Variants in NBEA observed in about 807,000 individuals in gnomAD.
NBEA encodes the protein neurobeachin, also known as lysosomal-trafficking regulator 2.
In NBEA, 44 loss-of-function variants were observed where a neutral mutation model predicts 343.4. That is an observed-to-expected ratio of 0.13 (90% CI 0.10 to 0.16). The LOEUF (loss-of-function observed/expected upper bound fraction) is 0.16. Among genes scored for constraint, NBEA ranks in the 10% least tolerant of loss-of-function variants. The pLI is 1.00. For synonymous variants in NBEA, 1,175 were observed against 1,238.7 expected (o/e 0.95, Z 1.08); for missense variants, 2,555 against 3,631.3 (o/e 0.70, Z 7.62).
intron 34 of NBEA, among the ~76,000 whole-genome samples, chr13:35,235,057 T>C (rs1369687375): frequency 6.6e-6 from 1 of 152,180 alleles, no homozygotes. Flanking sequence ...ATTACAAATA[T>C]TATATCAAGC....
At chr13:35,296,459 A>G (rs1179716474) in intron 35 of NBEA, among the ~76,000 whole-genome samples, 1 of 151,734 alleles carries the variant, frequency 6.6e-6, no homozygotes, top group South Asian at 2.1e-4. Context: ...AATAAAATTG[A>G]GGGAAAAAAG....
intron 5 of NBEA, among the ~76,000 whole-genome samples, chr13:35,049,965 C>A (rs540361871): frequency 6.6e-6 from 1 of 151,760 alleles, no homozygotes; most frequent in Non-Finnish European, 1.5e-5. Context: ...TTGCTGATTG[C>A]AAATGGTCCT....
intron 41 of NBEA, among the ~76,000 whole-genome samples, chr13:35,546,908 A>G (rs1474380167): frequency 6.6e-6 from 1 of 152,124 alleles, no homozygotes; most frequent in East Asian, 1.9e-4. Context: ...TAAATAAAGA[A>G]ATTGTAGGAT....
intron 32 of NBEA, among the ~76,000 whole-genome samples, chr13:35,210,808 T>G (rs1230393735): frequency 2.0e-5 from 3 of 152,194 alleles, no homozygotes; most frequent in African/African-American, 7.2e-5. Context: ...GTTTTTTATT[T>G]ATACCCCATT....
chr13:35,143,050 T>C (rs1259280922), intron 18 of NBEA, among the ~76,000 whole-genome samples: 1 of 152,214 alleles, frequency 6.6e-6, no homozygotes, highest in East Asian at 1.9e-4. Flanking sequence ...TCTTTTTCTC[T>C]AGCACAAGAG....
intron 28 of NBEA, among the ~76,000 whole-genome samples, chr13:35,181,186 C>T (rs956505515): frequency 3.3e-5 from 5 of 151,814 alleles, no homozygotes; most frequent in Admixed American, 2.0e-4. Context: ...TGGGTAAATA[C>T]CCAGTAGTGG....
intron 36 of NBEA, among the ~76,000 whole-genome samples, chr13:35,335,660 C>T (rs1436729916): frequency 6.6e-6 from 1 of 151,968 alleles, no homozygotes; most frequent in African/African-American, 2.4e-5. Flanking sequence ...AGTCAGAAAA[C>T]ATCTGTGTAG....
At chr13:35,204,108 C>G (rs2073209593) in intron 31 of NBEA, among the ~76,000 whole-genome samples, 1 of 152,118 alleles carries the variant, frequency 6.6e-6, no homozygotes, top group Non-Finnish European at 1.5e-5. Context: ...ACAGCTGCTC[C>G]TCATTGCTCG....
chr13:35,064,036 A>G (rs542952347), intron 8 of NBEA, among the ~76,000 whole-genome samples: 2 of 152,070 alleles, frequency 1.3e-5, no homozygotes, highest in East Asian at 3.9e-4. Flanking sequence ...ATATTTGGTT[A>G]TGGACATAGG....
intron 1 of NBEA, among the ~76,000 whole-genome samples, chr13:35,004,827 C>T (rs897080295): frequency 6.6e-6 from 1 of 152,078 alleles, no homozygotes; most frequent in Non-Finnish European, 1.5e-5. Context: ...TGAATTTAAG[C>T]ATCGAAAAGG....
At chr13:35,484,005 C>A (rs1277752984) in intron 41 of NBEA, among the ~76,000 whole-genome samples, 1 of 152,034 alleles carries the variant, frequency 6.6e-6, no homozygotes, top group Non-Finnish European at 1.5e-5. Flanking sequence ...GTAATATCCA[C>A]ATCCACAAGT....
chr13:35,654,779 T>C (rs1194064507), intron 53 of NBEA, 76 bp from the exon 54 acceptor site: 13 of 1,165,188 alleles, frequency 1.1e-5, no homozygotes, highest in Non-Finnish European at 1.6e-5. Context: ...CATGAAAGTA[T>C]TGTTTTCCTT....
Position 35,328,472 on chromosome 13 carries a change from G to A in NBEA, c.5903+18880G>A, listed in dbSNP as rs550096080. 2.7e-3 allele frequency among the ~76,000 whole-genome samples: 405 copies of A among 151,882 alleles called. 3 individuals carry two copies. Among genetic ancestry groups the A allele is most frequent in the African/African-American group, 9.1e-3 (378 of 41,504 alleles). ...CAGGGTGACTATGGCCAAAGTAATT[G>A]TACATTTTGAAATAACTAAAGGAGT... On this transcript the variant is annotated intron_variant, in intron 36 of 58. Transcript: ENST00000379939.
chr13:35,428,229 G>A (rs894287953), intron 38 of NBEA, among the ~76,000 whole-genome samples: 2 of 152,110 alleles, frequency 1.3e-5, no homozygotes, highest in African/African-American at 2.4e-5. Context: ...CGTTGCTCAC[G>A]CTGGGAGCTG....
intron 38 of NBEA, among the ~76,000 whole-genome samples, chr13:35,422,266 T>C (rs1471317648): frequency 2.0e-5 from 3 of 151,640 alleles, no homozygotes; most frequent in Non-Finnish European, 4.4e-5. Flanking sequence ...TCATTTAGCA[T>C]CAGGTATACC....
At chr13:35,165,518 T>G (rs1394177596) in intron 24 of NBEA, among the ~76,000 whole-genome samples, 1 of 152,062 alleles carries the variant, frequency 6.6e-6, no homozygotes, top group Non-Finnish European at 1.5e-5. Flanking sequence ...CAGTATAAAT[T>G]GTTGATGGTG....
chr13:35,401,572 C>T (rs148952968), intron 38 of NBEA, among the ~76,000 whole-genome samples: 41 of 152,086 alleles, frequency 2.7e-4, no homozygotes, highest in Middle Eastern at 3.4e-3. Flanking sequence ...TATTCTAAAA[C>T]ATTTGTTACA....
chr13:35,423,420 T>G, intron 38 of NBEA, among the ~76,000 whole-genome samples: 1 of 152,220 alleles, frequency 6.6e-6, no homozygotes, highest in Non-Finnish European at 1.5e-5. Context: ...CTTTCCCCAT[T>G]TCTTGTTTTT....
intron 34 of NBEA, among the ~76,000 whole-genome samples, chr13:35,289,915 G>A (rs894515775): frequency 6.6e-6 from 1 of 151,636 alleles, no homozygotes; most frequent in Non-Finnish European, 1.5e-5. Flanking sequence ...ATAAGCTATT[G>A]AAATTACCTA....
Sources: gnomAD v4.1 joint callset for allele counts (sites outside exome capture counted in the v4.1 genomes callset) on GRCh38, gnomAD v4.1.1 for gene constraint, MANE v1.5 for transcripts, NCBI Gene and HGNC (gene_info 2026-07-23, HGNC 2026-07-21) for gene names.